The following ACCSL variants were observed in gnomAD, a reference collection of about 807,000 sequenced individuals.
ACCSL encodes probable inactive 1-aminocyclopropane-1-carboxylate synthase-like protein 2.
In ACCSL, 55 loss-of-function variants were observed where a neutral mutation model predicts 61.7. The observed-to-expected ratio is 0.89, with a 90% CI of 0.72 to 1.12. ACCSL has a LOEUF of 1.12. Among genes scored for constraint, ACCSL ranks in the 50% most tolerant of loss-of-function variants. The pLI is 0.00. For missense variants in ACCSL, 632 were observed against 698.0 expected (o/e 0.91, Z 1.07); for synonymous variants, 258 against 264.3 (o/e 0.98, Z 0.23).
At chr11:44,034,174 A>G in the ACCSL span, among the ~76,000 whole-genome samples, 1 of 152,062 alleles carries the variant, frequency 6.6e-6, no homozygotes, top group Non-Finnish European at 1.5e-5. Context: ...TGTAGATACA[A>G]TTTAGGGTGG....
the ACCSL span, among the ~76,000 whole-genome samples, chr11:43,921,691 G>A: frequency 6.6e-6 from 1 of 152,182 alleles, no homozygotes; most frequent in African/African-American, 2.4e-5. Flanking sequence ...ATCTCCCCGT[G>A]TGGCAGCTGT....
At chr11:43,933,816 C>G in the ACCSL span, among the ~76,000 whole-genome samples, 3 of 151,836 alleles carry the variant, frequency 2.0e-5, no homozygotes, top group Non-Finnish European at 4.4e-5. Context: ...CCAAGAGTCT[C>G]CCTGCCCCTG....
the ACCSL span, among the ~76,000 whole-genome samples, chr11:43,970,635 A>G: frequency 6.6e-6 from 1 of 152,184 alleles, no homozygotes; most frequent in Non-Finnish European, 1.5e-5. Flanking sequence ...TTTTTAAAAA[A>G]CCCAACCATT....
At chr11:44,015,778 A>G in the ACCSL span, among the ~76,000 whole-genome samples, 1 of 152,212 alleles carries the variant, frequency 6.6e-6, no homozygotes, top group Admixed American at 6.5e-5. Context: ...CTGCATTCAA[A>G]TCCTAGTCCT....
chr11:43,926,087 C>T, the ACCSL span, among the ~76,000 whole-genome samples: 1 of 152,056 alleles, frequency 6.6e-6, no homozygotes. Context: ...TGGGGTTGGG[C>T]AGAGGCTTTC....
At chr11:43,965,595 A>G in the ACCSL span, among the ~76,000 whole-genome samples, 4 of 152,272 alleles carry the variant, frequency 2.6e-5, no homozygotes, top group East Asian at 7.7e-4. Context: ...CTTTTTTTGC[A>G]GAAGTGGAAA....
At chr11:43,944,670 C>T in the ACCSL span, 3 of 152,542 alleles carry the variant, frequency 2.0e-5, no homozygotes, top group Admixed American at 1.3e-4. Context: ...TGGTCCAGGA[C>T]TCTTGCACCG....
chr11:44,048,575 C>T, intron 1 of ACCSL, 35 bp downstream of exon 1: 1 of 1,451,118 alleles, frequency 6.9e-7, no homozygotes, highest in South Asian at 1.2e-5. Context: ...GCAGCATCCT[C>T]ACGGGCTCCA....
the ACCSL span, among the ~76,000 whole-genome samples, chr11:44,010,685 G>A: frequency 2.0e-5 from 3 of 152,198 alleles, no homozygotes; most frequent in African/African-American, 7.2e-5. Flanking sequence ...ACATGGTCTG[G>A]TGCTGATAGC....
chr11:44,055,980 C>T (rs1225244295), intron 9 of ACCSL, 60 bp from the exon 10 acceptor site: 2 of 1,601,454 alleles, frequency 1.2e-6, no homozygotes, highest in East Asian at 4.5e-5. Flanking sequence ...CCTCTTATAC[C>T]CCAAATCTTC....
chr11:43,971,627 A>G, the ACCSL span: 45 of 152,406 alleles, frequency 3.0e-4, no homozygotes, highest in African/African-American at 1.1e-3. Context: ...TAAAATAGGA[A>G]GGATTTTGAT....
At chr11:43,991,296 A>G in the ACCSL span, among the ~76,000 whole-genome samples, 1 of 152,226 alleles carries the variant, frequency 6.6e-6, no homozygotes, top group Non-Finnish European at 1.5e-5. Context: ...AATCTCTTGC[A>G]GCCTCCATTT....
chr11:44,002,457 G>C, the ACCSL span, among the ~76,000 whole-genome samples: 1 of 152,166 alleles, frequency 6.6e-6, no homozygotes, highest in Non-Finnish European at 1.5e-5. Flanking sequence ...TCTGATGGTC[G>C]AGCACACCAC....
the ACCSL span, among the ~76,000 whole-genome samples, chr11:43,962,016 C>T: frequency 2.0e-5 from 3 of 152,310 alleles, no homozygotes; most frequent in Admixed American, 1.3e-4. Context: ...TCTTTCATCC[C>T]TTCTTACTTT....
chr11:43,999,221 C>T, the ACCSL span, among the ~76,000 whole-genome samples: 25 of 152,292 alleles, frequency 1.6e-4, no homozygotes, highest in East Asian at 3.9e-4. Context: ...TGCCAAGCCC[C>T]GCTCTAGGCA....
chr11:44,012,980 G>T, the ACCSL span, among the ~76,000 whole-genome samples: 1 of 152,146 alleles, frequency 6.6e-6, no homozygotes, highest in African/African-American at 2.4e-5. Context: ...AGTGCCAAGG[G>T]TGAGAAACCC....
rs1387540344 is a variant in ACCSL, at chr11:44,052,986, T to G, written c.871-5T>G. On this transcript the variant is annotated splice_polypyrimidine_tract_variant and splice_region_variant and intron_variant, in intron 6 of 13. Transcript: ENST00000378832. ...GACACTTCTCACATAGTGTTTCTCT[T>G]CCAGGTCACTGTTACAAACACCCAT... 1.2e-6 allele frequency: 2 copies of G among 1,613,152 alleles called. No homozygotes were observed. The highest frequency in any genetic ancestry group is 1.7e-6 in the Non-Finnish European group (2 of 1,179,234).
chr11:44,012,349 C>T, the ACCSL span, among the ~76,000 whole-genome samples: 3 of 151,822 alleles, frequency 2.0e-5, no homozygotes, highest in Non-Finnish European at 2.9e-5. Context: ...TGCAATGGCA[C>T]GATCTCAGCT....
the ACCSL span, among the ~76,000 whole-genome samples, chr11:43,957,619 T>TC: frequency 2.6e-5 from 4 of 152,224 alleles, no homozygotes; most frequent in Non-Finnish European, 5.9e-5. Context: ...TGCAGGGCCA[T>TC]TTCAAAATAT....
Sources: allele counts gnomAD v4.1 joint callset (sites outside exome capture counted in the v4.1 genomes callset), GRCh38; gene constraint gnomAD v4.1.1; transcripts MANE v1.5; gene names NCBI Gene and HGNC (gene_info 2026-07-23, HGNC 2026-07-21).